Variants in CACTIN observed in about 807,000 individuals in gnomAD.
The protein encoded by CACTIN is cactin, spliceosome C complex subunit, also known as splicing factor Cactin.
A neutral mutation model predicts 84.9 loss-of-function variants in CACTIN; 20 were observed. That is an observed-to-expected ratio of 0.24 (90% CI 0.17 to 0.34). The LOEUF is 0.34. Ranked by LOEUF, CACTIN falls within the 10% of genes least tolerant of loss-of-function variation. The pLI is 1.00. For missense variants in CACTIN, 897 were observed against 1,117.2 expected, an observed-to-expected ratio of 0.80 and a Z score of 2.81; for synonymous variants, 549 against 467.9, an observed-to-expected ratio of 1.17 and a Z score of -2.24.
chr19:3,610,746 G>A lies in CACTIN; in HGVS notation c.*1177C>T, dbSNP rs2032927471. ...TTTTTCCCACCTACAAGTCTTTTTA[G>A]AGAAACAAACGGAACTATTTCCAGA... On this transcript the variant is annotated 3_prime_UTR_variant, in exon 10 of 10. Coordinates refer to ENST00000429344, the MANE Select transcript of CACTIN (RefSeq NM_001080543.2). 1 of 456,932 alleles carries A rather than the reference G, an allele frequency of 2.2e-6. No individual in the cohort carries two copies. The highest frequency in any genetic ancestry group is 2.3e-5 in the Admixed American group (1 of 42,560). 28.3% of individuals were successfully genotyped at this position (456,932 alleles called of 1,614,324 possible). A position where few individuals can be genotyped will look rare whatever the true frequency, so the allele number is the denominator to read the frequency against.
At chr19:3,618,179 G>GGGGC (rs1440160784) in intron 6 of CACTIN, among the ~76,000 whole-genome samples, 1 of 31,184 alleles carries the variant, frequency 3.2e-5, no homozygotes, top group African/African-American at 8.6e-5. Context: ...TTTTAGACCG[G>GGGGC]GGGGGGGGGG....
chr19:3,613,630 T>G, intron 7 of CACTIN, 44 bp from the exon 8 acceptor site: 1 of 1,567,218 alleles, frequency 6.4e-7, no homozygotes, highest in Non-Finnish European at 8.6e-7. Context: ...GCGAAGGGGC[T>G]CCGCGCCCCA....
intron 2 of CACTIN, 116 bp downstream of exon 2, chr19:3,623,572 T>C (rs2033269628): frequency 1.2e-6 from 1 of 856,796 alleles, no homozygotes; most frequent in Admixed American, 2.7e-5. Context: ...TATGCGTGTG[T>C]GTGTAAAACC....
In CACTIN at chr19:3,619,378, TGGA is replaced by T. The variant is rs916710071; in HGVS notation, c.885-139_885-137del. 666 of 1,003,098 alleles carry T rather than the reference TGGA, an allele frequency of 6.6e-4. 1 individual carries two copies. The highest frequency in any genetic ancestry group is 8.0e-4 in the Non-Finnish European group (556 of 698,084). 62.1% of individuals were successfully genotyped at this position (1,003,098 alleles called of 1,614,324 possible). A position where few individuals can be genotyped will look rare whatever the true frequency, so the allele number is the denominator to read the frequency against. ...TTGGGGGTGGTCAGGGAAGGCTTCC[TGGA>T]GGAGGAGGAGGAGGAGGCATAAGGT... On this transcript the variant is annotated intron_variant, in intron 4 of 9. Coordinates refer to ENST00000429344, the MANE Select transcript of CACTIN (RefSeq NM_001080543.2).
At chr19:3,621,650 C>CCGCAGGTGCACAGCACAT in intron 2 of CACTIN, among the ~76,000 whole-genome samples, 1 of 152,344 alleles carries the variant, frequency 6.6e-6, no homozygotes, top group East Asian at 1.9e-4. Context: ...GCCCAGCACA[C>CCGCAGGTGCACAGCACAT]CGCAGGTGCA....
At chr19:3,616,991 C>T (rs1464581009) in intron 6 of CACTIN, among the ~76,000 whole-genome samples, 3 of 151,824 alleles carry the variant, frequency 2.0e-5, no homozygotes, top group African/African-American at 7.3e-5. Context: ...CGTGATGGCG[C>T]GCGTCTGTAA....
In CACTIN at chr19:3,620,713, C is replaced by T; in HGVS notation, c.732G>A (p.Leu244=). 6.2e-7 allele frequency: 1 copy of T among 1,610,926 alleles called. No individual in the cohort carries two copies. The highest frequency in any genetic ancestry group is 2.2e-5 in the East Asian group (1 of 44,868). Reference sequence around the variant, plus strand: ...GGGCTGGCAGGGTGCCTACCTTCTGCAGCTCCAGCCGGTTGTCCTCCTGGA... The same window carrying T: ...GGGCTGGCAGGGTGCCTACCTTCTGTAGCTCCAGCCGGTTGTCCTCCTGGA... The part of the protein sequence containing the change: ...KRIQEDNRLE[L]QKVKQLRLER... Residue 244 remains leucine (L), a synonymous_variant, in exon 3 of 10, where the codon CTG becomes CTA. Transcript: ENST00000429344.
chr19:3,618,923 C>T lies in CACTIN; in HGVS notation c.1114G>A (p.Asp372Asn). The change falls in exon 6 of 10, where the codon GAC (aspartate) becomes AAC (asparagine). Residue 372 changes from aspartate (D) to asparagine (N), a missense_variant. Coordinates refer to ENST00000429344, the MANE Select transcript of CACTIN (RefSeq NM_001080543.2). ...AGCTTGCGGAGCTTGGAGATCTCGT[C>T]CTCGGTGATGGTGGTCATGTCCCGC... is the stretch of plus-strand genomic sequence containing the variant. ...FWRDMTTITE[D>N]EISKLRKLEA... 2 of 1,559,710 alleles carry T rather than the reference C, an allele frequency of 1.3e-6. No individual in the cohort carries two copies. The highest frequency in any genetic ancestry group is 1.2e-5 in the South Asian group (1 of 84,520).
intron 9 of CACTIN, 197 bp downstream of exon 9, chr19:3,612,861 C>T: frequency 1.3e-6 from 1 of 769,300 alleles, no homozygotes. Context: ...GGCCAGTGGG[C>T]CAGCAAGCCC....
chr19:3,620,825 C>G, intron 2 of CACTIN, 23 bp from the exon 3 acceptor site: 1 of 1,596,174 alleles, frequency 6.3e-7, no homozygotes, highest in Non-Finnish European at 8.6e-7. Flanking sequence ...GGCACACCTG[C>G]CCTGAGCACA....
At chr19:3,620,416 G>C (rs936410365) in intron 3 of CACTIN, 144 bp from the exon 4 acceptor site, 1 of 993,866 alleles carries the variant, frequency 1.0e-6, no homozygotes, top group Admixed American at 2.0e-5. Context: ...CTGGTGGACA[G>C]ACCTTGGGAA....
intron 3 of CACTIN, 82 bp downstream of exon 3, chr19:3,620,625 C>T: frequency 9.0e-7 from 1 of 1,105,850 alleles, no homozygotes; most frequent in South Asian, 1.5e-5. Flanking sequence ...CCCACTTAAG[C>T]CCCTCAAGTC....
chr19:3,623,995 C>G lies in CACTIN; in HGVS notation c.335G>C (p.Ser112Thr). The change falls in exon 2 of 10, where the codon AGC (serine) becomes ACC (threonine). Residue 112 changes from serine (S) to threonine (T), a missense_variant. This residue lies in a region of CACTIN where 261 missense variants were observed against 243.8 expected (regional missense o/e 1.07). Transcript: ENST00000429344. ...AGACGCGGAGCTGGATGCTGAGGAGCTAGGAGACCACGAGCGTGCGCGCCG... is the reference window on the plus strand; with the variant it reads ...AGACGCGGAGCTGGATGCTGAGGAGGTAGGAGACCACGAGCGTGCGCGCCG... ...RRRRARSWSP[S>T]SSASSSASPG... 6.2e-7 allele frequency: 1 copy of G among 1,605,594 alleles called. No homozygotes were observed.
At position 3,614,689 on chromosome 19, in the gene CACTIN, CCTCCT is replaced by C. The variant is rs1000055477; in HGVS notation, c.1163-105_1163-101del. On this transcript the variant is annotated intron_variant, in intron 6 of 9. Transcript: ENST00000429344. ...CCCTGCCATGGGGGGGTCCCCCTCCCCTCCTCTTCCCCCACAGGGGTCCCATCCAG... is the reference window on the plus strand; with the variant it reads ...CCCTGCCATGGGGGGGTCCCCCTCCCCTTCCCCCACAGGGGTCCCATCCAG... The C allele has an allele frequency of 2.3e-4, 208 of 900,394 alleles. 1 individual carries two copies. Among genetic ancestry groups the C allele is most frequent in the Non-Finnish European group, 3.3e-4 (192 of 573,418 alleles). 55.8% of individuals were successfully genotyped at this position (900,394 alleles called of 1,614,324 possible).
chr19:3,623,753 C>G lies in CACTIN; in HGVS notation c.577G>C (p.Gly193Arg). Residue 193 changes from glycine to arginine, a missense_variant, in exon 2 of 10, where the codon GGC becomes CGC. Physicochemically the swap from Gly to Arg is moderately radical, Grantham distance 125. Transcript: ENST00000429344. ...AAGGGGTTGTCGGTGTTGGTGTAGCCCATGTACTCCTCACCCCAGCCCATC... is the reference window on the plus strand; with the variant it reads ...AAGGGGTTGTCGGTGTTGGTGTAGCGCATGTACTCCTCACCCCAGCCCATC... ...EKMGWGEEYMGYTNTDNPFGD... is the reference protein window; with the variant it reads ...EKMGWGEEYMRYTNTDNPFGD... 6.2e-7 allele frequency: 1 copy of G among 1,613,878 alleles called. No individual in the cohort carries two copies. The highest frequency in any genetic ancestry group is 1.1e-5 in the South Asian group (1 of 91,066).
At chr19:3,620,595 GAAGCCAGCCCCCAGGACTTCCCACTT>G (rs1372945049) in intron 3 of CACTIN, 86 bp downstream of exon 3, 1 of 823,016 alleles carries the variant, frequency 1.2e-6, no homozygotes, top group Admixed American at 2.8e-5. Flanking sequence ...AGCCTTACCT[GAAGCCAGCCCCCAGGACTTCCCACTT>G]AAGCCCCTCA....
intron 1 of CACTIN, among the ~76,000 whole-genome samples, chr19:3,626,032 ATGT>A (rs779046690): frequency 6.6e-6 from 1 of 151,904 alleles, no homozygotes; most frequent in Non-Finnish European, 1.5e-5. Context: ...CCATTAGCAA[ATGT>A]TGTCTCCTCT....
chr19:3,613,086 C>A lies in CACTIN; in HGVS notation c.1758G>T (p.Gln586His). ...LEPDEDLQRL[Q>H]LSRQQLQVTG... is the part of the protein sequence containing the mutation. The stretch of plus-strand genomic sequence containing the variant: ...TGACCTGGAGCTGCTGGCGCGAGAG[C>A]TGCAGGCGCTGCAGGTCCTCATCCG... Residue 586 changes from glutamine (Q) to histidine (H), a missense_variant, in exon 9 of 10, where the codon CAG (glutamine) becomes CAT (histidine). Gln to His is a conservative substitution (Grantham distance 24). This residue lies in a region of CACTIN where 243 missense variants were observed against 239.9 expected (regional missense o/e 1.01). Coordinates refer to ENST00000429344, the MANE Select transcript of CACTIN (RefSeq NM_001080543.2). 1.2e-5 allele frequency: 19 copies of A among 1,586,720 alleles called. No homozygotes were observed. The highest frequency in any genetic ancestry group is 1.6e-5 in the Non-Finnish European group (19 of 1,171,574).
intron 2 of CACTIN, among the ~76,000 whole-genome samples, 172 bp downstream of exon 2, chr19:3,623,516 G>A (rs536168779): frequency 2.4e-4 from 36 of 152,338 alleles, no homozygotes; most frequent in African/African-American, 8.2e-4. Flanking sequence ...GCGACAGAGC[G>A]AGACCCTGTG....
Sources: allele counts gnomAD v4.1 joint callset (sites outside exome capture counted in the v4.1 genomes callset), GRCh38; gene constraint gnomAD v4.1.1; regional missense constraint gnomAD v4.1.1; transcripts MANE v1.5; gene names NCBI Gene and HGNC (gene_info 2026-07-23, HGNC 2026-07-21).